Variants in DMD observed in about 807,000 individuals in gnomAD.
The protein encoded by DMD is mutant dystrophin.
In DMD, 63 loss-of-function variants were observed where a neutral mutation model predicts 330.1. The observed-to-expected ratio is 0.19, with a 90% CI of 0.16 to 0.24. The LOEUF (loss-of-function observed/expected upper bound fraction) is 0.24, where lower values mean the gene tolerates loss of function less well. Ranked by LOEUF, DMD falls within the 10% of genes least tolerant of loss-of-function variation. The pLI is 1.00. For synonymous variants in DMD, 1,223 were observed against 959.8 expected, an observed-to-expected ratio of 1.27 and a Z score of -5.07; for missense variants, 3,344 against 2,684.1, an observed-to-expected ratio of 1.25 and a Z score of -5.43.
chrX:31,433,125 G>A (rs1234650493), intron 60 of DMD, among the ~76,000 whole-genome samples: 1 of 112,022 alleles, frequency 8.9e-6, no homozygotes, highest in Non-Finnish European at 1.9e-5. Flanking sequence ...GTTAGCTCCT[G>A]CTTATAAGTG....
intron 37 of DMD, among the ~76,000 whole-genome samples, chrX:32,349,461 A>G (rs1436843711): frequency 9.0e-6 from 1 of 111,105 alleles, no homozygotes; most frequent in African/African-American, 3.3e-5. Flanking sequence ...GAGCTAAAAC[A>G]TTTTACTTTT....
At chrX:33,106,392 G>A (rs1157130078) in intron 1 of DMD, among the ~76,000 whole-genome samples, 1 of 110,525 alleles carries the variant, frequency 9.0e-6, no homozygotes, top group Non-Finnish European at 1.9e-5. Context: ...ATTCATACAC[G>A]TAAGCAAAAA....
intron 44 of DMD, among the ~76,000 whole-genome samples, chrX:32,047,068 A>G (rs142626843): frequency 0.011 from 1,236 of 111,684 alleles, 7 homozygotes; most frequent in Non-Finnish European, 0.015. Context: ...GGAACCTTTC[A>G]GTTATCACAA....
At chrX:32,069,203 T>C (rs944072714) in intron 44 of DMD, among the ~76,000 whole-genome samples, 4 of 111,414 alleles carry the variant, frequency 3.6e-5, no homozygotes, top group Non-Finnish European at 7.5e-5. Context: ...ATGGTGGATA[T>C]CCCAATTACC....
At chrX:32,479,305 C>G (rs751003067) in intron 21 of DMD, among the ~76,000 whole-genome samples, 1 of 110,709 alleles carries the variant, frequency 9.0e-6, no homozygotes, top group South Asian at 3.8e-4. Context: ...AAAATCTATT[C>G]TTTTACCAAT....
chrX:32,175,873 G>A (rs944651660), intron 44 of DMD, among the ~76,000 whole-genome samples: 12 of 111,739 alleles, frequency 1.1e-4, no homozygotes, highest in African/African-American at 2.3e-4. Flanking sequence ...GGAGGTGAAC[G>A]TTCATTAAGA....
intron 44 of DMD, among the ~76,000 whole-genome samples, chrX:32,025,439 C>A (rs1264820023): frequency 9.0e-6 from 1 of 111,505 alleles, no homozygotes; most frequent in African/African-American, 3.3e-5. Flanking sequence ...GCTCAGTAGT[C>A]ATGTGTATCT....
At chrX:31,402,720 A>T (rs1340806278) in intron 60 of DMD, among the ~76,000 whole-genome samples, 2 of 112,214 alleles carry the variant, frequency 1.8e-5, no homozygotes, top group Admixed American at 1.9e-4. Context: ...CTCAGCAAAT[A>T]AAGATCAAAC....
At chrX:32,297,793 G>A (rs2097504157) in intron 42 of DMD, among the ~76,000 whole-genome samples, 1 of 111,404 alleles carries the variant, frequency 9.0e-6, no homozygotes, top group Admixed American at 9.6e-5. Flanking sequence ...AGGTAAGAGG[G>A]GTCGGGGAAG....
At chrX:32,096,222 CAA>C (rs1004611176) in intron 44 of DMD, among the ~76,000 whole-genome samples, 7 of 111,770 alleles carry the variant, frequency 6.3e-5, no homozygotes, top group African/African-American at 2.0e-4. Context: ...AATGGAGAAA[CAA>C]AAGTTTCACA....
At chrX:32,966,287 G>T (rs1391554365) in intron 2 of DMD, among the ~76,000 whole-genome samples, 1 of 111,640 alleles carries the variant, frequency 9.0e-6, no homozygotes, top group Non-Finnish European at 1.9e-5. Context: ...GTGTCAAGGG[G>T]TAAGTCTAGT....
intron 48 of DMD, among the ~76,000 whole-genome samples, chrX:31,861,544 G>A (rs1410297943): frequency 9.8e-6 from 1 of 101,669 alleles, no homozygotes; most frequent in Non-Finnish European, 2.0e-5. Flanking sequence ...CTGCTTAAGT[G>A]AATTATGGTA....
chrX:31,222,473 C>G (rs193094892), intron 64 of DMD, among the ~76,000 whole-genome samples: 10 of 104,540 alleles, frequency 9.6e-5, no homozygotes, highest in African/African-American at 3.5e-4. Flanking sequence ...TCAATGCACA[C>G]AGACCCTCAG....
chrX:31,483,124 G>A (rs1463530835), intron 57 of DMD, among the ~76,000 whole-genome samples: 1 of 97,839 alleles, frequency 1.0e-5, no homozygotes, highest in Non-Finnish European at 2.0e-5. Context: ...TCGGCTCACT[G>A]CAAGCTCCAC....
intron 60 of DMD, among the ~76,000 whole-genome samples, chrX:31,384,251 C>A (rs886252571): frequency 2.7e-4 from 30 of 111,022 alleles, no homozygotes; most frequent in African/African-American, 8.9e-4. Flanking sequence ...CTGCCAGCAC[C>A]GAAGCGGCTA....
intron 49 of DMD, among the ~76,000 whole-genome samples, chrX:31,823,842 G>A (rs528498523): frequency 1.3e-4 from 14 of 111,303 alleles, no homozygotes; most frequent in Non-Finnish European, 2.6e-4. Flanking sequence ...CCAAAGCGCT[G>A]GAATTACAGG....
intron 7 of DMD, among the ~76,000 whole-genome samples, chrX:32,775,328 T>G (rs949883273): frequency 8.9e-6 from 1 of 112,457 alleles, no homozygotes; most frequent in African/African-American, 3.2e-5. Flanking sequence ...AGTGCCCCAG[T>G]GAGGACTCTG....
At chrX:31,314,821 A>G (rs976249868) in intron 62 of DMD, among the ~76,000 whole-genome samples, 1 of 103,230 alleles carries the variant, frequency 9.7e-6, no homozygotes, top group African/African-American at 3.7e-5. Flanking sequence ...AAAGTATTTA[A>G]TACCCTCTCC....
intron 1 of DMD, among the ~76,000 whole-genome samples, chrX:33,231,659 C>T (rs981870870): frequency 1.8e-5 from 2 of 111,412 alleles, no homozygotes; most frequent in South Asian, 3.8e-4. Context: ...GAGACAACCT[C>T]CAGTAGGCAA....
Sources: allele counts gnomAD v4.1 joint callset (sites outside exome capture counted in the v4.1 genomes callset), GRCh38; gene constraint gnomAD v4.1.1; transcripts MANE v1.5; gene names NCBI Gene and HGNC (gene_info 2026-07-23, HGNC 2026-07-21).